Variants in PRXL2A observed in about 807,000 individuals in gnomAD.
The protein encoded by PRXL2A is peroxiredoxin-like 2A.
Under a neutral mutation model 25.6 loss-of-function variants are expected in PRXL2A, and 26 were observed. That is an observed-to-expected ratio of 1.02 (90% CI 0.74 to 1.41). The LOEUF is 1.41. Among genes scored for constraint, PRXL2A ranks in the 40% most tolerant of loss-of-function variants. The pLI, the probability that PRXL2A is intolerant of heterozygous loss-of-function variation, is 0.00. For missense variants in PRXL2A, 246 were observed against 273.9 expected (o/e 0.90, Z 0.72); for synonymous variants, 98 against 102.9 (o/e 0.95, Z 0.29).
chr10:80,422,275 T>A (rs566408114), intron 2 of PRXL2A, 142 bp from the exon 3 acceptor site: 6 of 594,068 alleles, frequency 1.0e-5, no homozygotes, highest in African/African-American at 7.4e-5. Flanking sequence ...CTGTGTGTCT[T>A]TTCCCACGTG....
intron 1 of PRXL2A, chr10:80,408,943 C>G (rs1341326546): frequency 2.6e-6 from 2 of 781,220 alleles, no homozygotes; most frequent in African/African-American, 3.8e-5. Flanking sequence ...CCCCCTCTGT[C>G]CACGCCCGCA....
chr10:80,415,902 T>A (rs1844644200), intron 1 of PRXL2A, among the ~76,000 whole-genome samples: 1 of 152,216 alleles, frequency 6.6e-6, no homozygotes, highest in Non-Finnish European at 1.5e-5. Flanking sequence ...GTGAATGCAC[T>A]GATGTGTCCT....
Position 80,419,600 on chromosome 10 carries a change from G to A in PRXL2A, c.-2-866G>A, listed in dbSNP as rs995340199. Among the ~76,000 whole-genome samples the A allele has an allele frequency of 5.3e-5, 8 of 152,172 alleles. 1 individual carries two copies. Among genetic ancestry groups the A allele is most frequent in the African/African-American group, 1.4e-4 (6 of 41,438 alleles). On this transcript the variant is annotated intron_variant, in intron 1 of 5. Coordinates refer to ENST00000606162, the MANE Select transcript of PRXL2A (RefSeq NM_032333.5). ...TGGGATTACAGGCATGAGCCACCGC[G>A]CCCTGCCAGGACCTCCTCTTTCTGA...
chr10:80,410,849 G>C (rs1053432027), intron 1 of PRXL2A, among the ~76,000 whole-genome samples: 2 of 152,316 alleles, frequency 1.3e-5, no homozygotes, highest in African/African-American at 2.4e-5. Context: ...AGAATGGCTT[G>C]CTCTTTGAGG....
At chr10:80,420,948 A>T (rs1394723205) in intron 2 of PRXL2A, among the ~76,000 whole-genome samples, 1 of 152,188 alleles carries the variant, frequency 6.6e-6, no homozygotes, top group Non-Finnish European at 1.5e-5. Flanking sequence ...CTGTAATTAT[A>T]ATGATAAATT....
chr10:80,427,938 G>A (rs1019261809), intron 5 of PRXL2A, among the ~76,000 whole-genome samples: 20 of 152,160 alleles, frequency 1.3e-4, no homozygotes, highest in Non-Finnish European at 1.8e-4. Flanking sequence ...GAACAAAAGC[G>A]TAGTTTTATT....
intron 1 of PRXL2A, among the ~76,000 whole-genome samples, chr10:80,418,943 C>T (rs946834899): frequency 6.6e-6 from 1 of 152,152 alleles, no homozygotes; most frequent in Non-Finnish European, 1.5e-5. Context: ...CTGTCTTTTG[C>T]CCAGCCTCCT....
intron 2 of PRXL2A, 112 bp downstream of exon 2, chr10:80,420,757 A>T (rs1370483483): frequency 5.2e-6 from 4 of 764,706 alleles, no homozygotes; most frequent in African/African-American, 1.8e-5. Context: ...ATATAACAAC[A>T]TTAGGAAAAA....
rs1026929270 is a variant in PRXL2A, at chr10:80,434,173, G to T, written c.*2074G>T. 1.3e-5 allele frequency: 2 copies of T among 152,012 alleles called. No individual in the cohort carries two copies. Among genetic ancestry groups the T allele is most frequent in the African/African-American group, 4.8e-5 (2 of 41,410 alleles). The allele number at this position is 152,012 out of a possible 1,614,324, so 9.4% of individuals were successfully genotyped here. A position where few individuals can be genotyped will look rare whatever the true frequency, so the allele number is the denominator to read the frequency against. ...GAGAGGACATTGCACCAATGGAGAT[G>T]CATCAAGAGAAACATGTTTGGTTTT... On this transcript the variant is annotated 3_prime_UTR_variant, in exon 6 of 6. Transcript: ENST00000606162.
At chr10:80,409,842 C>G (rs9787439) in intron 1 of PRXL2A, among the ~76,000 whole-genome samples, 77,758 of 152,074 alleles carry the variant, frequency 0.51, 20,548 homozygotes, top group East Asian at 0.94. Flanking sequence ...TCTTGCAACT[C>G]TGTAGAAGGT....
At chr10:80,419,528 G>A (rs977582235) in intron 1 of PRXL2A, among the ~76,000 whole-genome samples, 7 of 142,606 alleles carry the variant, frequency 4.9e-5, no homozygotes, top group African/African-American at 7.9e-5. Flanking sequence ...GGCTGGTCTC[G>A]AACTCCCGAC....
At chr10:80,408,247 T>G (rs1423729831), upstream of PRXL2A, among the ~76,000 whole-genome samples, 1 of 151,868 alleles carries the variant, frequency 6.6e-6, no homozygotes, top group Non-Finnish European at 1.5e-5. Context: ...CAGCCTCGGC[T>G]GCAGGACAGG....
chr10:80,415,994 G>C (rs1356832803), intron 1 of PRXL2A, among the ~76,000 whole-genome samples: 1 of 152,216 alleles, frequency 6.6e-6, no homozygotes, highest in Non-Finnish European at 1.5e-5. Flanking sequence ...TCTGTGATCA[G>C]AGACCATTCT....
chr10:80,427,895 G>T (rs889560480), intron 5 of PRXL2A, among the ~76,000 whole-genome samples: 1 of 152,192 alleles, frequency 6.6e-6, no homozygotes, highest in Non-Finnish European at 1.5e-5. Context: ...CTGAACCCAG[G>T]TTTGCTGACT....
At position 80,411,959 on chromosome 10, in the gene PRXL2A, T is replaced by A. The variant is rs147082230; in HGVS notation, c.-3+3316T>A. On this transcript the variant is annotated intron_variant, in intron 1 of 5. Coordinates refer to ENST00000606162, the MANE Select transcript of PRXL2A (RefSeq NM_032333.5). ...CATGATTTAACTCAGCCAGTGCTGATACTTTGTTTCATTAAGACTTTATCA... is the reference window on the plus strand; with the variant it reads ...CATGATTTAACTCAGCCAGTGCTGAAACTTTGTTTCATTAAGACTTTATCA... 3.6e-3 allele frequency among the ~76,000 whole-genome samples: 542 copies of A among 152,288 alleles called. 3 individuals are homozygous for A. Among genetic ancestry groups the A allele is most frequent in the Non-Finnish European group, 5.9e-3 (403 of 68,026 alleles).
At chr10:80,430,489 TA>T (rs143230368) in intron 5 of PRXL2A, among the ~76,000 whole-genome samples, 1 of 152,070 alleles carries the variant, frequency 6.6e-6, no homozygotes, top group Non-Finnish European at 1.5e-5. Flanking sequence ...CTATAAAGAA[TA>T]AAAAAGTTTA....
chr10:80,426,013 G>C lies in PRXL2A; in HGVS notation c.411+7G>C. The C allele has an allele frequency of 6.2e-7, 1 of 1,614,166 alleles. No homozygotes were observed. On this transcript the variant is annotated splice_region_variant and intron_variant, in intron 4 of 5. Transcript: ENST00000606162. The stretch of plus-strand genomic sequence containing the variant: ...AATCTTCCTGGATGAAAAGGTGTGT[G>C]TGATGGGAGGCTTTTAGACACAGAC...
chr10:80,426,045 G>A (rs1404186353), intron 4 of PRXL2A, 39 bp downstream of exon 4: 2 of 1,612,794 alleles, frequency 1.2e-6, no homozygotes, highest in Non-Finnish European at 1.7e-6. Context: ...AGACTGCTGG[G>A]GATTGTGCTC....
chr10:80,419,566 C>T (rs1324296710), intron 1 of PRXL2A, among the ~76,000 whole-genome samples: 1 of 151,824 alleles, frequency 6.6e-6, no homozygotes, highest in Non-Finnish European at 1.5e-5. Context: ...CCTCGGCCTC[C>T]CAAAGTGCTG....
Sources: gnomAD v4.1 joint callset for allele counts (sites outside exome capture counted in the v4.1 genomes callset) on GRCh38, gnomAD v4.1.1 for gene constraint, MANE v1.5 for transcripts, NCBI Gene and HGNC (gene_info 2026-07-23, HGNC 2026-07-21) for gene names.